BRINP3: variants seen among roughly 807,000 people sequenced by gnomAD.
BRINP3 encodes BMP/retinoic acid inducible neural specific 3, also known as BMP/retinoic acid-inducible neural-specific protein 3.
BRINP3 carries 19 observed loss-of-function variants against 71.0 expected under a neutral mutation model. That is an observed-to-expected ratio of 0.27 (90% CI 0.19 to 0.39). BRINP3 has a LOEUF of 0.39. Among genes scored for constraint, BRINP3 ranks in the 10% least tolerant of loss-of-function variants. BRINP3 has a pLI of 1.00. For synonymous variants in BRINP3, 380 were observed against 337.7 expected, an observed-to-expected ratio of 1.13 and a Z score of -1.37; for missense variants, 959 against 940.8, an observed-to-expected ratio of 1.02 and a Z score of -0.25.
intron 6 of BRINP3, among the ~76,000 whole-genome samples, chr1:190,192,162 T>C (rs2102577409): frequency 6.6e-6 from 1 of 152,312 alleles, no homozygotes; most frequent in Non-Finnish European, 1.5e-5. Flanking sequence ...GGCATATTTA[T>C]AAACAAAGTA....
At chr1:190,232,462 A>G (rs573322162) in intron 5 of BRINP3, among the ~76,000 whole-genome samples, 1 of 152,180 alleles carries the variant, frequency 6.6e-6, no homozygotes, top group African/African-American at 2.4e-5. Context: ...GGGTCTTGAA[A>G]TTGACTTCCT....
chr1:190,253,504 T>C (rs879651428), intron 4 of BRINP3, among the ~76,000 whole-genome samples: 6 of 152,200 alleles, frequency 3.9e-5, no homozygotes, highest in Non-Finnish European at 7.3e-5. Flanking sequence ...GTGGTTTTCA[T>C]TTGTGTTTCT....
At chr1:190,368,170 A>C (rs1148613) in intron 2 of BRINP3, among the ~76,000 whole-genome samples, 55,026 of 151,976 alleles carry the variant, frequency 0.36, 11,030 homozygotes, top group Admixed American at 0.48. Context: ...AAAGTTCCGC[A>C]TAACTGGGGA....
chr1:190,455,056 T>C (rs1343891300), intron 1 of BRINP3, 116 bp from the exon 2 acceptor site: 2 of 539,492 alleles, frequency 3.7e-6, no homozygotes, highest in South Asian at 2.9e-5. Context: ...AAATTAGTAT[T>C]ATCAGCAGAT....
chr1:190,289,817 A>G (rs1181393284), intron 2 of BRINP3, among the ~76,000 whole-genome samples: 2 of 152,022 alleles, frequency 1.3e-5, no homozygotes, highest in African/African-American at 2.4e-5. Context: ...CCTGTCTCCA[A>G]TTAATTCAGG....
intron 7 of BRINP3, among the ~76,000 whole-genome samples, chr1:190,107,170 C>T (rs1038796104): frequency 6.6e-6 from 1 of 151,874 alleles, no homozygotes; most frequent in African/African-American, 2.4e-5. Flanking sequence ...GATTGGATGA[C>T]ATCCTAATAC....
At chr1:190,249,470 A>G (rs933343094) in intron 4 of BRINP3, among the ~76,000 whole-genome samples, 5 of 151,928 alleles carry the variant, frequency 3.3e-5, no homozygotes, top group African/African-American at 1.2e-4. Flanking sequence ...TAATCTTATT[A>G]AAACAAAAAA....
At chr1:190,125,601 C>A (rs1183130854) in intron 7 of BRINP3, among the ~76,000 whole-genome samples, 5 of 151,902 alleles carry the variant, frequency 3.3e-5, no homozygotes, top group African/African-American at 1.2e-4. Context: ...TTCTACACTT[C>A]CAGAAATGAA....
intron 6 of BRINP3, among the ~76,000 whole-genome samples, chr1:190,167,020 G>A (rs544571877): frequency 1.2e-4 from 19 of 152,006 alleles, no homozygotes; most frequent in South Asian, 6.2e-4. Flanking sequence ...ACATCGCGCC[G>A]GGCCTATGAA....
At chr1:190,406,615 G>C (rs1374064334) in intron 2 of BRINP3, among the ~76,000 whole-genome samples, 1 of 151,960 alleles carries the variant, frequency 6.6e-6, no homozygotes, top group East Asian at 1.9e-4. Flanking sequence ...ATTTAAAATA[G>C]GCAAGCATTT....
At chr1:190,340,554 A>T (rs1018822436) in intron 2 of BRINP3, among the ~76,000 whole-genome samples, 7 of 151,836 alleles carry the variant, frequency 4.6e-5, no homozygotes, top group African/African-American at 1.7e-4. Context: ...AATCTTTCTA[A>T]TATTTCAGAT....
intron 1 of BRINP3, among the ~76,000 whole-genome samples, chr1:190,456,620 A>G (rs1676010285): frequency 6.6e-6 from 1 of 152,008 alleles, no homozygotes; most frequent in Non-Finnish European, 1.5e-5. Flanking sequence ...AATATAGCTT[A>G]CTTTCATTTA....
intron 2 of BRINP3, among the ~76,000 whole-genome samples, chr1:190,414,772 T>A (rs1323716127): frequency 6.6e-6 from 1 of 152,192 alleles, no homozygotes; most frequent in Non-Finnish European, 1.5e-5. Flanking sequence ...AGATTAATAC[T>A]GGTTTGAAAA....
chr1:190,470,191 TA>T (rs965437242), intron 1 of BRINP3, among the ~76,000 whole-genome samples: 11 of 150,514 alleles, frequency 7.3e-5, no homozygotes, highest in South Asian at 2.1e-4. Flanking sequence ...GAAAAGTTAA[TA>T]AAAAAAAGCT....
intron 2 of BRINP3, among the ~76,000 whole-genome samples, chr1:190,335,200 G>A (rs1258637028): frequency 1.3e-5 from 2 of 151,828 alleles, no homozygotes; most frequent in African/African-American, 2.4e-5. Context: ...ATAGGCTGAA[G>A]TGAAAATAGA....
intron 1 of BRINP3, among the ~76,000 whole-genome samples, chr1:190,466,956 A>C (rs1273367756): frequency 1.3e-5 from 2 of 151,676 alleles, no homozygotes; most frequent in Non-Finnish European, 3.0e-5. Flanking sequence ...TTGGAGATAA[A>C]AAAACACAAC....
intron 6 of BRINP3, among the ~76,000 whole-genome samples, chr1:190,215,196 G>A (rs999252991): frequency 1.1e-4 from 16 of 151,020 alleles, no homozygotes; most frequent in African/African-American, 3.6e-4. Flanking sequence ...ATCTTGAACC[G>A]ATCTTCATAG....
rs545379827 is a variant in BRINP3, at chr1:190,468,248, T to G, written c.-51+9200A>C. Among the ~76,000 whole-genome samples, 5 of 151,438 alleles carry G rather than the reference T, an allele frequency of 3.3e-5. No homozygotes were observed. In the South Asian group the frequency reaches 1.0e-3, roughly 31 times the overall value. On this transcript the variant is annotated intron_variant, in intron 1 of 7. Coordinates refer to ENST00000367462, the MANE Select transcript of BRINP3 (RefSeq NM_199051.3). ...TAAAGAATCATGATAATAAACTTAT[T>G]TACCTTACTAAAGATTATTAAAAAG...
At chr1:190,279,758 C>T (rs1662896001) in intron 3 of BRINP3, among the ~76,000 whole-genome samples, 1 of 151,858 alleles carries the variant, frequency 6.6e-6, no homozygotes, top group Non-Finnish European at 1.5e-5. Flanking sequence ...TACTGATTCT[C>T]ATCAATTCTG....
Sources: allele counts gnomAD v4.1 joint callset (sites outside exome capture counted in the v4.1 genomes callset), GRCh38; gene constraint gnomAD v4.1.1; transcripts MANE v1.5; gene names NCBI Gene and HGNC (gene_info 2026-07-23, HGNC 2026-07-21).